SLC12A8: variants seen among roughly 807,000 people sequenced by gnomAD.
The protein encoded by SLC12A8 is cation-chloride cotransporter 9.
In SLC12A8, 69 loss-of-function variants were observed where a neutral mutation model predicts 75.6. That is an observed-to-expected ratio of 0.91 (90% CI 0.75 to 1.11). SLC12A8 has a LOEUF of 1.11. Among genes scored for constraint, SLC12A8 ranks in the 50% most tolerant of loss-of-function variants. The pLI is 0.00. For synonymous variants in SLC12A8, 365 were observed against 372.8 expected (o/e 0.98, Z 0.24); for missense variants, 877 against 896.7 (o/e 0.98, Z 0.28).
chr3:125,141,039 G>T (rs1933618242), intron 5 of SLC12A8, among the ~76,000 whole-genome samples: 1 of 152,128 alleles, frequency 6.6e-6, no homozygotes, highest in African/African-American at 2.4e-5. Context: ...GGATGCATGG[G>T]GCCTGCAGCT....
At chr3:125,141,488 G>A (rs1337834194) in intron 5 of SLC12A8, among the ~76,000 whole-genome samples, 1 of 152,238 alleles carries the variant, frequency 6.6e-6, no homozygotes, top group Non-Finnish European at 1.5e-5. Flanking sequence ...CCTTGCCCTG[G>A]GTAGGCGGCT....
At chr3:125,110,358 C>T (rs183679457) in intron 8 of SLC12A8, 23 bp from the exon 9 acceptor site, 134 of 1,605,938 alleles carry the variant, frequency 8.3e-5, no homozygotes, top group African/African-American at 7.2e-4. Context: ...CGGTTTCATT[C>T]GCCAGTGCCA....
At chr3:125,189,283 C>G (rs1447947417) in intron 3 of SLC12A8, among the ~76,000 whole-genome samples, 1 of 152,212 alleles carries the variant, frequency 6.6e-6, no homozygotes, top group East Asian at 1.9e-4. Context: ...AGCATCAATC[C>G]TTACCTGCTA....
chr3:125,198,272 A>AAAAC (rs1935043695), intron 2 of SLC12A8, among the ~76,000 whole-genome samples: 1 of 151,458 alleles, frequency 6.6e-6, no homozygotes, highest in Non-Finnish European at 1.5e-5. Context: ...AAAAAAAACA[A>AAAAC]AACAGTCAAG....
At chr3:125,206,482 T>C (rs865929344) in intron 2 of SLC12A8, among the ~76,000 whole-genome samples, 4 of 152,200 alleles carry the variant, frequency 2.6e-5, no homozygotes, top group Non-Finnish European at 4.4e-5. Flanking sequence ...ATTGTTTGGT[T>C]CTATTTCTAT....
chr3:125,164,103 G>A (rs1214120608), intron 5 of SLC12A8, among the ~76,000 whole-genome samples: 2 of 152,176 alleles, frequency 1.3e-5, no homozygotes, highest in African/African-American at 4.8e-5. Flanking sequence ...GTTTTAACCA[G>A]GCATGAACGG....
intron 4 of SLC12A8, among the ~76,000 whole-genome samples, chr3:125,181,134 G>A (rs1934648475): frequency 1.3e-5 from 2 of 151,992 alleles, no homozygotes; most frequent in East Asian, 1.9e-4. Flanking sequence ...CAACCAAAAT[G>A]CAATAGAAAA....
intron 2 of SLC12A8, among the ~76,000 whole-genome samples, chr3:125,199,886 T>A (rs1268768805): frequency 3.3e-5 from 5 of 151,516 alleles, no homozygotes; most frequent in Non-Finnish European, 7.4e-5. Context: ...ATGAGAGAAA[T>A]GGAAGGAAGT....
intron 4 of SLC12A8, among the ~76,000 whole-genome samples, chr3:125,184,698 G>T (rs1346835848): frequency 2.0e-5 from 3 of 151,874 alleles, no homozygotes; most frequent in Non-Finnish European, 4.4e-5. Flanking sequence ...GGAAGGAGGA[G>T]CTCAAATCAA....
At chr3:125,186,356 C>T (rs1469045524) in intron 4 of SLC12A8, among the ~76,000 whole-genome samples, 5 of 152,190 alleles carry the variant, frequency 3.3e-5, no homozygotes, top group Admixed American at 1.3e-4. Context: ...CATGCACACA[C>T]GCAGCTCTGT....
At chr3:125,084,202 A>G in intron 13 of SLC12A8, 150 bp from the exon 14 acceptor site, 1 of 616,352 alleles carries the variant, frequency 1.6e-6, no homozygotes, top group East Asian at 2.8e-5. Flanking sequence ...ATGTACAGGT[A>G]TATATGAACT....
chr3:125,212,484 G>A (rs1579552888), intron 1 of SLC12A8, among the ~76,000 whole-genome samples: 1 of 152,136 alleles, frequency 6.6e-6, no homozygotes, highest in Admixed American at 6.5e-5. Context: ...GCTGGGACCC[G>A]GGCCCCTTGG....
chr3:125,109,775 A>G lies in SLC12A8; in HGVS notation c.1059+414T>C, dbSNP rs150525348. Among the ~76,000 whole-genome samples, 39 of 152,342 alleles carry G rather than the reference A, an allele frequency of 2.6e-4. No individual in the cohort carries two copies. In the East Asian group the frequency reaches 6.9e-3, roughly 27 times the overall value. ...AACAGCAACCCCCAAGGGGCGGTTGAAACTCAAGGGCAGAGTTAGAGCTGC... is the reference window on the plus strand; with the variant it reads ...AACAGCAACCCCCAAGGGGCGGTTGGAACTCAAGGGCAGAGTTAGAGCTGC... On this transcript the variant is annotated intron_variant, in intron 9 of 13. Transcript: ENST00000469902.
intron 9 of SLC12A8, among the ~76,000 whole-genome samples, chr3:125,108,368 T>C (rs914330676): frequency 6.6e-6 from 1 of 152,180 alleles, no homozygotes; most frequent in Non-Finnish European, 1.5e-5. Context: ...TAGCAACTTT[T>C]TTTTTTTTTT....
intron 5 of SLC12A8, among the ~76,000 whole-genome samples, chr3:125,177,238 C>T (rs1934552948): frequency 1.3e-5 from 2 of 149,364 alleles, no homozygotes; most frequent in Admixed American, 6.8e-5. Flanking sequence ...AAAAACCAAA[C>T]ACCGCATGTT....
intron 8 of SLC12A8, among the ~76,000 whole-genome samples, chr3:125,116,312 TG>T (rs1939310616): frequency 6.6e-6 from 1 of 152,230 alleles, no homozygotes; most frequent in Admixed American, 6.5e-5. Context: ...GGCTTTACAA[TG>T]GTCTCTTCCA....
chr3:125,092,282 T>C, intron 10 of SLC12A8, 84 bp from the exon 11 acceptor site: 1 of 883,354 alleles, frequency 1.1e-6, no homozygotes, highest in Non-Finnish European at 1.8e-6. Flanking sequence ...GAGCTCCTCT[T>C]CCCCAATTTT....
intron 6 of SLC12A8, among the ~76,000 whole-genome samples, chr3:125,124,754 G>C (rs1197546459): frequency 6.6e-6 from 1 of 152,224 alleles, no homozygotes; most frequent in African/African-American, 2.4e-5. Flanking sequence ...TCACTAGTTA[G>C]AGCTAGAAAA....
In SLC12A8 at chr3:125,147,160, C is replaced by T. The variant is rs559007678; in HGVS notation, c.623-11378G>A. Among the ~76,000 whole-genome samples, 3 of 152,214 alleles carry T rather than the reference C, an allele frequency of 2.0e-5. No individual in the cohort carries two copies. The East Asian group carries it at 5.8e-4, about 29-fold the overall frequency. On this transcript the variant is annotated intron_variant, in intron 5 of 13. Transcript: ENST00000469902. ...CCGCAAAATCAAGGGCGCTGTTGTC[C>T]TAGTCCTAGGGTCAACACATGTTCT...
Sources: allele counts gnomAD v4.1 joint callset (sites outside exome capture counted in the v4.1 genomes callset), GRCh38; gene constraint gnomAD v4.1.1; transcripts MANE v1.5; gene names NCBI Gene and HGNC (gene_info 2026-07-23, HGNC 2026-07-21).